NGLY1: variants seen among roughly 807,000 people sequenced by gnomAD.
NGLY1 encodes the protein N-glycanase 1.
A neutral mutation model predicts 84.6 loss-of-function variants in NGLY1; 68 were observed. The observed-to-expected ratio is 0.80, with a 90% CI of 0.66 to 0.98. The LOEUF is 0.98. NGLY1 is among the 50% of genes least tolerant of loss of function. NGLY1 has a pLI of 0.00. For missense variants in NGLY1, 779 were observed against 770.2 expected, an observed-to-expected ratio of 1.01 and a Z score of -0.14; for synonymous variants, 280 against 275.2, an observed-to-expected ratio of 1.02 and a Z score of -0.17.
At chr3:25,749,836 C>A in intron 4 of NGLY1, 2 of 1,092,176 alleles carry the variant, frequency 1.8e-6, no homozygotes, top group East Asian at 2.4e-5. Context: ...AAAGAGCCAC[C>A]CAGCTGGCCA....
chr3:25,733,775 G>A, intron 8 of NGLY1, 97 bp downstream of exon 8: 2 of 564,660 alleles, frequency 3.5e-6, no homozygotes, highest in East Asian at 3.1e-5. Context: ...ATAAAACAAT[G>A]CTACTACTTT....
At chr3:25,768,561 CTT>C (rs752193155) in intron 2 of NGLY1, among the ~76,000 whole-genome samples, 87,267 of 115,872 alleles carry the variant, frequency 0.75, 33,490 homozygotes, top group East Asian at 0.9. Flanking sequence ...ATAAGTAAGA[CTT>C]TTTTTTTTTT....
intron 2 of NGLY1, among the ~76,000 whole-genome samples, chr3:25,774,957 G>A (rs1358530296): frequency 1.3e-5 from 2 of 152,202 alleles, no homozygotes; most frequent in Non-Finnish European, 2.9e-5. Context: ...GTGGCCAGGA[G>A]TGCCTGCAGG....
intron 5 of NGLY1, among the ~76,000 whole-genome samples, chr3:25,738,526 G>A (rs1022620922): frequency 6.6e-6 from 1 of 152,130 alleles, no homozygotes; most frequent in African/African-American, 2.4e-5. Flanking sequence ...GGAAACAGTG[G>A]CATAAATGAA....
At position 25,720,073 on chromosome 3, in the gene NGLY1, T is replaced by G; in HGVS notation, c.1730A>C (p.Gln577Pro). The G allele has an allele frequency of 6.2e-7, 1 of 1,613,930 alleles. No individual in the cohort carries two copies. Among genetic ancestry groups the G allele is most frequent in the Non-Finnish European group, 8.5e-7 (1 of 1,179,860 alleles). Residue 577 changes from glutamine (Q) to proline (P), a missense_variant, in exon 11 of 12, where the codon CAG (glutamine) becomes CCG (proline). Physicochemically the swap from Gln to Pro is moderately conservative, Grantham distance 76. Coordinates refer to ENST00000280700, the MANE Select transcript of NGLY1 (RefSeq NM_018297.4). ...CAATTTCCATTCTACTGTTCCAGTC[T>G]GAAAAGTTTGACTACTTGTTCTAAT... ...ISIRTSSQTF[Q>P]TGTVEWKLRS...
In NGLY1 at chr3:25,757,288, G is replaced by A. The variant is rs1197518752; in HGVS notation, c.493-6025C>T. 4.6e-5 allele frequency among the ~76,000 whole-genome samples: 7 copies of A among 152,256 alleles called. 1 individual carries two copies. In the South Asian group the frequency reaches 8.3e-4, roughly 18 times the overall value. On this transcript the variant is annotated intron_variant, in intron 3 of 11. Coordinates refer to ENST00000280700, the MANE Select transcript of NGLY1 (RefSeq NM_018297.4). ...GGATATCATTACTTGAATGTTCTCA[G>A]GGAGGAAGCAAGTCAAAAGGCCTAG... is the stretch of plus-strand genomic sequence containing the variant.
intron 4 of NGLY1, among the ~76,000 whole-genome samples, chr3:25,746,297 T>C (rs983909626): frequency 6.6e-6 from 1 of 152,158 alleles, no homozygotes; most frequent in African/African-American, 2.4e-5. Flanking sequence ...TCATCCTTCA[T>C]GCCCTTAAAA....
At chr3:25,746,701 G>C (rs776763470) in intron 4 of NGLY1, among the ~76,000 whole-genome samples, 2 of 152,178 alleles carry the variant, frequency 1.3e-5, no homozygotes, top group African/African-American at 2.4e-5. Flanking sequence ...CTTTATTGTA[G>C]ATTTTTGCTC....
At chr3:25,764,375 A>G (rs1354222253) in intron 2 of NGLY1, 64 bp from the exon 3 acceptor site, 1 of 1,504,316 alleles carries the variant, frequency 6.6e-7, no homozygotes, top group East Asian at 2.3e-5. Flanking sequence ...TTTTGTGCAC[A>G]CACACACAGA....
chr3:25,759,458 T>G (rs1707199434), intron 3 of NGLY1, among the ~76,000 whole-genome samples: 2 of 152,230 alleles, frequency 1.3e-5, no homozygotes, highest in African/African-American at 4.8e-5. Context: ...CGGAGTATTT[T>G]TATTTTCAAT....
rs1038878760 is a variant in NGLY1, at chr3:25,755,761, T to C, written c.493-4498A>G. The C allele has an allele frequency of 6.0e-6, 5 of 835,674 alleles. No individual in the cohort carries two copies. The African/African-American group carries it at 8.6e-5, about 14-fold the overall frequency. 51.8% of individuals were successfully genotyped at this position (835,674 alleles called of 1,614,324 possible). On this transcript the variant is annotated intron_variant, in intron 3 of 11. Transcript: ENST00000280700. ...ATACTGAACTAGAATATTCTAGATC[T>C]TCTCGTTTTACCTTAAAAGACTTTC...
rs199519052 is a variant in NGLY1, at chr3:25,760,261, C to CAT, written c.492+3803_492+3804dup. Among the ~76,000 whole-genome samples the CAT allele has an allele frequency of 4.4e-3, 671 of 151,452 alleles. 4 individuals are homozygous for CAT. Among genetic ancestry groups the CAT allele is most frequent in the African/African-American group, 0.015 (615 of 41,304 alleles). ...CCTTCCAAACCTTTAAAAAAATGAA[C>CAT]ATATATATATATGTATGTGTGTGTG... On this transcript the variant is annotated intron_variant, in intron 3 of 11. Transcript: ENST00000280700.
At position 25,778,664 on chromosome 3, in the gene NGLY1, T is replaced by C. The variant is rs2125321816; in HGVS notation, c.156A>G (p.Arg52=). ...AGGCTGTGTTTCCAATCCGGATGGA[T>C]CTATATTTTTCATCATTAGGGTTTC... ...ILRNPNDEKY[R]SIRIGNTAFS... The change falls in exon 2 of 12, where the codon AGA becomes AGG. Residue 52 remains arginine, a synonymous_variant. Transcript: ENST00000280700. 6.2e-7 allele frequency: 1 copy of C among 1,608,050 alleles called. No individual in the cohort carries two copies. The highest frequency in any genetic ancestry group is 1.3e-5 in the African/African-American group (1 of 74,722).
Position 25,737,354 on chromosome 3 carries a change from C to G in NGLY1, c.983G>C (p.Arg328Pro). ...TGTACCTGTGTAATCCCAAACATAG[C>G]GAGCTTCAAACCCTACAGCTCGGCA... ...LCCRAVGFEA[R>P]YVWDYTDHVW... The change falls in exon 6 of 12, where the codon CGC (arginine) becomes CCC (proline). Residue 328 changes from arginine (R) to proline (P), a missense_variant. Physicochemically the swap from Arg to Pro is moderately radical, Grantham distance 103. Coordinates refer to ENST00000280700, the MANE Select transcript of NGLY1 (RefSeq NM_018297.4). 2 of 1,613,006 alleles carry G rather than the reference C, an allele frequency of 1.2e-6. No individual in the cohort carries two copies. The highest frequency in any genetic ancestry group is 2.2e-5 in the South Asian group (2 of 90,866).
At position 25,739,687 on chromosome 3, in the gene NGLY1, A is replaced by C. The variant is rs747727275; in HGVS notation, c.771T>G (p.Thr257=). 3 of 1,614,100 alleles carry C rather than the reference A, an allele frequency of 1.9e-6. No individual in the cohort carries two copies. Among genetic ancestry groups the C allele is most frequent in the South Asian group, 1.1e-5 (1 of 91,084 alleles). ...GCAGTAATGATCTATCTCTAGACCT[A>C]GTCTGTCCACCACATTTGCTGCACA... ...NVLCSKCGGQ[T]RSRDRSLLPS... is the part of the protein sequence containing the mutation. The change falls in exon 5 of 12, where the codon ACT becomes ACG. Residue 257 remains threonine, a synonymous_variant. Transcript: ENST00000280700.
chr3:25,766,852 T>C (rs1707603384), intron 2 of NGLY1, among the ~76,000 whole-genome samples: 1 of 152,196 alleles, frequency 6.6e-6, no homozygotes. Flanking sequence ...CCATGCTCCC[T>C]TCCCTTCAGT....
chr3:25,768,797 CT>C (rs1487687774), intron 2 of NGLY1, among the ~76,000 whole-genome samples: 1 of 151,754 alleles, frequency 6.6e-6, no homozygotes, highest in Non-Finnish European at 1.5e-5. Flanking sequence ...CCACCTTGGC[CT>C]CCCAAAGTGC....
intron 1 of NGLY1, among the ~76,000 whole-genome samples, chr3:25,781,186 A>G (rs756934656): frequency 4.6e-5 from 7 of 152,086 alleles, no homozygotes; most frequent in Non-Finnish European, 7.4e-5. Flanking sequence ...CCTAAGCTCA[A>G]GCAATCCGCC....
chr3:25,744,371 T>G (rs1353732314), intron 4 of NGLY1, among the ~76,000 whole-genome samples: 1 of 152,236 alleles, frequency 6.6e-6, no homozygotes, highest in Non-Finnish European at 1.5e-5. Flanking sequence ...CAAATCATGC[T>G]TCTCTATCTC....
Sources: allele counts gnomAD v4.1 joint callset (sites outside exome capture counted in the v4.1 genomes callset), GRCh38; gene constraint gnomAD v4.1.1; transcripts MANE v1.5; gene names NCBI Gene and HGNC (gene_info 2026-07-23, HGNC 2026-07-21).